PRKD1: variants seen among roughly 807,000 people sequenced by gnomAD.
PRKD1 encodes serine/threonine-protein kinase D1.
In PRKD1, 63 loss-of-function variants were observed where a neutral mutation model predicts 95.9. That is an observed-to-expected ratio of 0.66 (90% CI 0.54 to 0.81). The LOEUF (loss-of-function observed/expected upper bound fraction) is 0.81, where lower values mean the gene tolerates loss of function less well. Ranked by LOEUF, PRKD1 falls within the 30% of genes least tolerant of loss-of-function variation. PRKD1 has a pLI of 0.00. For synonymous variants in PRKD1, 425 were observed against 423.1 expected, an observed-to-expected ratio of 1.00 and a Z score of -0.05; for missense variants, 1,048 against 1,165.3, an observed-to-expected ratio of 0.90 and a Z score of 1.47.
chr14:29,578,176 TC>T, intron 17 of PRKD1, 98 bp downstream of exon 17: 1 of 924,192 alleles, frequency 1.1e-6, no homozygotes, highest in South Asian at 1.6e-5. Flanking sequence ...ATTAGAATAA[TC>T]ACACTTTAAA....
intron 1 of PRKD1, among the ~76,000 whole-genome samples, chr14:29,747,735 A>T (rs1156959719): frequency 2.0e-5 from 3 of 152,078 alleles, no homozygotes; most frequent in Non-Finnish European, 2.9e-5. Context: ...TCCTTTTTTT[A>T]CTTTATTAAT....
intron 2 of PRKD1, among the ~76,000 whole-genome samples, chr14:29,695,861 T>C (rs369795613): frequency 6.6e-6 from 1 of 152,280 alleles, no homozygotes; most frequent in East Asian, 1.9e-4. Context: ...GAGAAAATGA[T>C]AGATCAATAA....
intron 13 of PRKD1, among the ~76,000 whole-genome samples, chr14:29,607,603 T>G (rs1250269998): frequency 1.3e-5 from 2 of 152,190 alleles, no homozygotes; most frequent in African/African-American, 2.4e-5. Flanking sequence ...CTCATGATGT[T>G]GCTCCCCACA....
intron 2 of PRKD1, among the ~76,000 whole-genome samples, chr14:29,667,899 T>C (rs1463445772): frequency 6.6e-6 from 1 of 151,462 alleles, no homozygotes; most frequent in African/African-American, 2.4e-5. Flanking sequence ...AGATTTTCAG[T>C]GACACTCCTC....
At chr14:29,834,863 C>G (rs1000440582) in intron 1 of PRKD1, among the ~76,000 whole-genome samples, 1 of 152,018 alleles carries the variant, frequency 6.6e-6, no homozygotes. Context: ...AAAAGTCATA[C>G]GGATAAAGGT....
chr14:29,894,571 G>A (rs566033466), intron 1 of PRKD1, among the ~76,000 whole-genome samples: 1 of 152,216 alleles, frequency 6.6e-6, no homozygotes, highest in Non-Finnish European at 1.5e-5. Flanking sequence ...TTATCTGTCT[G>A]CTAAGTAAAG....
rs1477436500 is a variant in PRKD1, at chr14:29,597,720, T to C, written c.2205A>G (p.Gly735=). The C allele has an allele frequency of 6.2e-7, 1 of 1,613,244 alleles. No homozygotes were observed. The highest frequency in any genetic ancestry group is 1.7e-5 in the Admixed American group (1 of 59,772). The change falls in exon 16 of 18, where the codon GGA becomes GGG. Residue 735 remains glycine, a synonymous_variant. Coordinates refer to ENST00000331968, the MANE Select transcript of PRKD1 (RefSeq NM_002742.3). The stretch of plus-strand genomic sequence containing the variant: ...CCACTGACCTCCGGAAAGACTTCTC[T>C]CCAATGATCCGGGCAAAACCAAAAT... ...LCDFGFARII[G]EKSFRRSVVG...
chr14:29,826,676 T>TATATATATACAC (rs1566622281), intron 1 of PRKD1, among the ~76,000 whole-genome samples: 1 of 71,846 alleles, frequency 1.4e-5, no homozygotes, highest in African/African-American at 4.6e-5. Context: ...TATATGTGTA[T>TATATATATACAC]ATATATATAC....
chr14:29,840,333 C>T (rs1006715999), intron 1 of PRKD1, among the ~76,000 whole-genome samples: 5 of 152,166 alleles, frequency 3.3e-5, no homozygotes, highest in Non-Finnish European at 7.3e-5. Flanking sequence ...CAACAGCTTC[C>T]TCATCTCCAT....
chr14:29,925,943 G>C (rs989952810), intron 1 of PRKD1, among the ~76,000 whole-genome samples: 2 of 152,204 alleles, frequency 1.3e-5, no homozygotes, highest in African/African-American at 4.8e-5. Context: ...TACTGATGTG[G>C]AAAAGGAGCA....
chr14:29,722,041 T>C (rs1227546074), intron 2 of PRKD1, among the ~76,000 whole-genome samples: 1 of 152,098 alleles, frequency 6.6e-6, no homozygotes, highest in African/African-American at 2.4e-5. Flanking sequence ...AAAAAAATCT[T>C]GATGTTGTCT....
chr14:29,758,394 T>C (rs1887812657), intron 1 of PRKD1, among the ~76,000 whole-genome samples: 1 of 152,092 alleles, frequency 6.6e-6, no homozygotes, highest in Non-Finnish European at 1.5e-5. Context: ...AACTAAAACT[T>C]CCAGAGATGC....
intron 1 of PRKD1, among the ~76,000 whole-genome samples, chr14:29,762,345 C>T (rs1320958816): frequency 6.6e-6 from 1 of 152,112 alleles, no homozygotes; most frequent in African/African-American, 2.4e-5. Flanking sequence ...CATAGGCACT[C>T]CAGCCACCAC....
At chr14:29,911,099 G>A (rs931876822) in intron 1 of PRKD1, among the ~76,000 whole-genome samples, 1 of 152,038 alleles carries the variant, frequency 6.6e-6, no homozygotes, top group African/African-American at 2.4e-5. Context: ...TGTGTGTGTG[G>A]TATCGGAATA....
chr14:29,926,271 G>C (rs1203290970), intron 1 of PRKD1, among the ~76,000 whole-genome samples: 1 of 147,906 alleles, frequency 6.8e-6, no homozygotes, highest in Non-Finnish European at 1.5e-5. Flanking sequence ...GTCCTCCAGG[G>C]CTGAAAAATT....
chr14:29,887,277 G>C (rs985028072), intron 1 of PRKD1, among the ~76,000 whole-genome samples: 1 of 152,092 alleles, frequency 6.6e-6, no homozygotes, highest in Non-Finnish European at 1.5e-5. Flanking sequence ...TTTTCCTCTG[G>C]CACAAAGATG....
intron 1 of PRKD1, among the ~76,000 whole-genome samples, chr14:29,726,865 A>C (rs1040274787): frequency 1.3e-5 from 2 of 151,618 alleles, no homozygotes; most frequent in Non-Finnish European, 2.9e-5. Flanking sequence ...AACTTAGTTC[A>C]CTTTATTTTT....
chr14:29,761,025 C>T (rs1887954232), intron 1 of PRKD1, among the ~76,000 whole-genome samples: 1 of 152,078 alleles, frequency 6.6e-6, no homozygotes, highest in African/African-American at 2.4e-5. Context: ...TCACTGCAGC[C>T]TCAAACTCCT....
intron 4 of PRKD1, among the ~76,000 whole-genome samples, chr14:29,660,039 TTC>T (rs1336336597): frequency 6.6e-6 from 1 of 152,210 alleles, no homozygotes; most frequent in African/African-American, 2.4e-5. Flanking sequence ...TAGATATACT[TTC>T]TGTGTTACCT....
Sources: allele counts gnomAD v4.1 joint callset (sites outside exome capture counted in the v4.1 genomes callset), GRCh38; gene constraint gnomAD v4.1.1; transcripts MANE v1.5; gene names NCBI Gene and HGNC (gene_info 2026-07-23, HGNC 2026-07-21).